RAD51B: variants seen among roughly 807,000 people sequenced by gnomAD.
RAD51B encodes RAD51 paralog B, also known as DNA repair protein RAD51 homolog 2.
A neutral mutation model predicts 42.2 loss-of-function variants in RAD51B; 38 were observed. That is an observed-to-expected ratio of 0.90 (90% CI 0.70 to 1.18). The LOEUF (loss-of-function observed/expected upper bound fraction) is 1.18. RAD51B is among the 50% of genes most tolerant of loss of function. The pLI is 0.00. For synonymous variants in RAD51B, 154 were observed against 145.2 expected, an observed-to-expected ratio of 1.06 and a Z score of -0.43; for missense variants, 373 against 400.7, an observed-to-expected ratio of 0.93 and a Z score of 0.59.
At chr14:68,582,295 C>T (rs1281410684) in intron 10 of RAD51B, among the ~76,000 whole-genome samples, 3 of 152,294 alleles carry the variant, frequency 2.0e-5, no homozygotes, top group Middle Eastern at 3.4e-3. Flanking sequence ...CTACAAAAAA[C>T]TTAAACTAAT....
intron 7 of RAD51B, among the ~76,000 whole-genome samples, chr14:68,123,191 CTTTT>C (rs541886088): frequency 8.0e-6 from 1 of 125,454 alleles, no homozygotes; most frequent in East Asian, 2.2e-4. Context: ...TTCTTTCTTT[CTTTT>C]TTTTTTTTTT....
rs1366721240 is a variant in RAD51B at position 68,139,770 on chromosome 14, TAC to T, written c.757-152112_757-152111del. On this transcript the variant is annotated intron_variant, in intron 7 of 10. Transcript: ENST00000471583. The stretch of plus-strand genomic sequence containing the variant: ...TTTGGAAAAAGGTCTCATAAAAGTG[TAC>T]AATTGGCACTGGCCCTGATAGTAGT... Among the ~76,000 whole-genome samples, 5 of 152,326 alleles carry T rather than the reference TAC, an allele frequency of 3.3e-5. No homozygotes were observed. In the East Asian group the frequency reaches 9.6e-4, roughly 29 times the overall value.
chr14:68,438,030 C>T (rs895909049), intron 9 of RAD51B, among the ~76,000 whole-genome samples: 3 of 151,888 alleles, frequency 2.0e-5, no homozygotes, highest in South Asian at 2.1e-4. Flanking sequence ...GAGTAGGGAT[C>T]GGGGAGGATG....
chr14:68,282,387 C>T (rs1022923913), intron 7 of RAD51B, among the ~76,000 whole-genome samples: 1 of 152,170 alleles, frequency 6.6e-6, no homozygotes, highest in Non-Finnish European at 1.5e-5. Flanking sequence ...TGGGAGGAAG[C>T]CTGCCCCTAC....
downstream of RAD51B, among the ~76,000 whole-genome samples, chr14:68,482,176 G>GGTGTGT (rs66768673): frequency 0.026 from 3,895 of 149,882 alleles, 160 homozygotes; most frequent in African/African-American, 0.089. Flanking sequence ...ATATTTTAGG[G>GGTGTGT]GTGTGTGTGT....
chr14:68,004,346 A>C lies in RAD51B; in HGVS notation c.756+117142A>C, dbSNP rs2075543190. The stretch of plus-strand genomic sequence containing the variant: ...AGACTCCGTCTCAAAAAAAAAAAAA[A>C]AAAAAAAAAGAATATATTGGTGGAT... On this transcript the variant is annotated intron_variant, in intron 7 of 10. Coordinates refer to ENST00000471583, the MANE Select transcript of RAD51B (RefSeq NM_133510.4). Among the ~76,000 whole-genome samples, 3 of 151,224 alleles carry C rather than the reference A, an allele frequency of 2.0e-5. No individual in the cohort carries two copies. In the South Asian group the frequency reaches 6.2e-4, roughly 31 times the overall value.
At chr14:68,656,456 G>T (rs1892817547) in intron 11 of RAD51B, among the ~76,000 whole-genome samples, 7 of 152,158 alleles carry the variant, frequency 4.6e-5, no homozygotes, top group African/African-American at 2.4e-5. Context: ...GGCCTAACAT[G>T]CAGGAGCCTG....
At chr14:68,590,012 A>G (rs1194059944) in intron 10 of RAD51B, among the ~76,000 whole-genome samples, 1 of 152,066 alleles carries the variant, frequency 6.6e-6, no homozygotes, top group African/African-American at 2.4e-5. Context: ...ATTTATTGCC[A>G]CTTCAGACCC....
At chr14:68,203,325 G>A (rs566133806) in intron 7 of RAD51B, among the ~76,000 whole-genome samples, 1 of 152,258 alleles carries the variant, frequency 6.6e-6, no homozygotes, top group Admixed American at 6.5e-5. Context: ...GAGCTCTTGG[G>A]TGACTAGGAA....
chr14:68,266,916 C>T (rs190663133), intron 7 of RAD51B, among the ~76,000 whole-genome samples: 1 of 152,316 alleles, frequency 6.6e-6, no homozygotes, highest in East Asian at 1.9e-4. Context: ...CAAATATCAG[C>T]ACACCAATTA....
intron 7 of RAD51B, among the ~76,000 whole-genome samples, chr14:68,232,553 T>C (rs371012163): frequency 2.6e-5 from 4 of 152,106 alleles, no homozygotes; most frequent in South Asian, 2.1e-4. Flanking sequence ...ATGATATCCA[T>C]TGGGAGGAAA....
chr14:68,068,646 T>C (rs925852255), intron 7 of RAD51B, among the ~76,000 whole-genome samples: 1 of 152,206 alleles, frequency 6.6e-6, no homozygotes, highest in Non-Finnish European at 1.5e-5. Context: ...GTTTACTTCC[T>C]AGGTCATATG....
At chr14:68,327,749 ATAAAT>A (rs1470184271) in intron 8 of RAD51B, among the ~76,000 whole-genome samples, 1 of 152,190 alleles carries the variant, frequency 6.6e-6, no homozygotes, top group Non-Finnish European at 1.5e-5. Context: ...TATAATATTC[ATAAAT>A]TAAAGTCAAC....
intron 10 of RAD51B, among the ~76,000 whole-genome samples, chr14:68,622,141 CACT>C (rs1202269977): frequency 6.6e-6 from 1 of 152,236 alleles, no homozygotes; most frequent in African/African-American, 2.4e-5. Context: ...GTTCTAGAGT[CACT>C]GCCTTTAGGC....
At chr14:68,274,964 A>G (rs1202531061) in intron 7 of RAD51B, among the ~76,000 whole-genome samples, 1 of 152,194 alleles carries the variant, frequency 6.6e-6, no homozygotes, top group Non-Finnish European at 1.5e-5. Context: ...CAAGGCAATA[A>G]TGTCTGACTA....
At chr14:68,223,208 A>T (rs1037200021) in intron 7 of RAD51B, among the ~76,000 whole-genome samples, 1 of 152,160 alleles carries the variant, frequency 6.6e-6, no homozygotes, top group Non-Finnish European at 1.5e-5. Context: ...TTTTTAATCA[A>T]ACATGTTTAC....
At chr14:67,940,060 T>A (rs2877410) in intron 7 of RAD51B, among the ~76,000 whole-genome samples, 585 of 16,582 alleles carry the variant, frequency 0.035, no homozygotes, top group Middle Eastern at 0.05. Context: ...ATATATTTTT[T>A]TTTTTTTTTT....
At chr14:68,027,394 AG>A (rs1488045142) in intron 7 of RAD51B, among the ~76,000 whole-genome samples, 1 of 152,160 alleles carries the variant, frequency 6.6e-6, no homozygotes, top group Non-Finnish European at 1.5e-5. Context: ...ACGTGAGATT[AG>A]GGAAATTTTC....
At chr14:68,374,173 G>A (rs774610019) in intron 8 of RAD51B, among the ~76,000 whole-genome samples, 3 of 152,188 alleles carry the variant, frequency 2.0e-5, no homozygotes, top group Non-Finnish European at 2.9e-5. Flanking sequence ...TCTAAGCACC[G>A]TTGGAGCAGA....
Sources: gnomAD v4.1 joint callset for allele counts (sites outside exome capture counted in the v4.1 genomes callset) on GRCh38, gnomAD v4.1.1 for gene constraint, MANE v1.5 for transcripts, NCBI Gene and HGNC (gene_info 2026-07-23, HGNC 2026-07-21) for gene names.